Variants in SCRG1 observed in about 807,000 individuals in gnomAD.
SCRG1 encodes stimulator of chondrogenesis 1.
SCRG1 carries 3 observed loss-of-function variants against 7.7 expected under a neutral mutation model. That is an observed-to-expected ratio of 0.39 (90% confidence interval 0.18 to 1.01). The LOEUF is 1.01. SCRG1 is among the 50% of genes least tolerant of loss of function. The pLI, the probability that SCRG1 is intolerant of heterozygous loss-of-function variation, is 0.36. For missense variants in SCRG1, 110 were observed against 117.2 expected, an observed-to-expected ratio of 0.94 and a Z score of 0.28; for synonymous variants, 46 against 41.2, an observed-to-expected ratio of 1.12 and a Z score of -0.44.
chr4:173,460,588 G>A, the SCRG1 span, among the ~76,000 whole-genome samples: 2 of 152,302 alleles, frequency 1.3e-5, no homozygotes, highest in South Asian at 4.1e-4. Flanking sequence ...CCCGTGCCCT[G>A]AAGGAAAGGA....
At chr4:173,486,266 C>A in the SCRG1 span, among the ~76,000 whole-genome samples, 2 of 152,096 alleles carry the variant, frequency 1.3e-5, no homozygotes, top group Non-Finnish European at 2.9e-5. Context: ...TTGTTATTTC[C>A]AGGCCAGTGT....
chr4:173,441,700 G>A, the SCRG1 span, among the ~76,000 whole-genome samples: 1 of 152,156 alleles, frequency 6.6e-6, no homozygotes, highest in Non-Finnish European at 1.5e-5. Flanking sequence ...TACAATATAA[G>A]TCTTGTCCTC....
the SCRG1 span, among the ~76,000 whole-genome samples, chr4:173,476,891 T>C: frequency 2.0e-5 from 3 of 152,186 alleles, no homozygotes; most frequent in African/African-American, 7.2e-5. Context: ...TAAGCTACCC[T>C]AATGCTTGGA....
At chr4:173,483,760 C>A in the SCRG1 span, among the ~76,000 whole-genome samples, 28 of 15,252 alleles carry the variant, frequency 1.8e-3, 10 homozygotes, top group East Asian at 0.019. Flanking sequence ...TGTGATATAT[C>A]ATATATATGA....
At chr4:173,508,481 T>G in the SCRG1 span, among the ~76,000 whole-genome samples, 2 of 152,096 alleles carry the variant, frequency 1.3e-5, no homozygotes, top group Non-Finnish European at 2.9e-5. This position sits in a 1 kb window ranked among gnomAD's most constrained non-coding sequence, Gnocchi z 4.4. Flanking sequence ...TGGAGGGGTT[T>G]GAACTTTTCC....
chr4:173,408,492 T>G (rs974758741), upstream of SCRG1, among the ~76,000 whole-genome samples: 1 of 152,200 alleles, frequency 6.6e-6, no homozygotes, highest in African/African-American at 2.4e-5. Context: ...TATCTTGACA[T>G]TAGAAAGATT....
At chr4:173,401,142 G>A (rs74477966), upstream of SCRG1, among the ~76,000 whole-genome samples, 201 of 152,296 alleles carry the variant, frequency 1.3e-3, 4 homozygotes, top group East Asian at 0.035. Flanking sequence ...CCCTGACAGA[G>A]ATCAAATCTC....
chr4:173,434,606 G>A, the SCRG1 span, among the ~76,000 whole-genome samples: 2 of 152,160 alleles, frequency 1.3e-5, no homozygotes, highest in East Asian at 3.9e-4. Flanking sequence ...CTAGGCGGGT[G>A]GATTATCTGA....
chr4:173,430,230 G>A, the SCRG1 span, among the ~76,000 whole-genome samples: 1 of 152,184 alleles, frequency 6.6e-6, no homozygotes. Flanking sequence ...AAAAGAGGAA[G>A]CAAAGGAAAA....
chr4:173,465,297 A>AAC, the SCRG1 span, among the ~76,000 whole-genome samples: 1 of 152,220 alleles, frequency 6.6e-6, no homozygotes, highest in Non-Finnish European at 1.5e-5. Context: ...ATGCATAGAC[A>AAC]ACACACACAA....
At chr4:173,500,824 A>G in the SCRG1 span, among the ~76,000 whole-genome samples, 2 of 149,950 alleles carry the variant, frequency 1.3e-5, no homozygotes, top group Non-Finnish European at 2.9e-5. Flanking sequence ...AATCTTGGGG[A>G]GTTTATTAAA....
the SCRG1 span, among the ~76,000 whole-genome samples, chr4:173,420,899 C>T: frequency 9.2e-5 from 14 of 152,238 alleles, no homozygotes; most frequent in East Asian, 2.7e-3. Flanking sequence ...TCCCCAAAGT[C>T]TGTGTGAGTG....
the SCRG1 span, chr4:173,420,166 C>T: frequency 8.2e-6 from 4 of 485,144 alleles, no homozygotes; most frequent in Non-Finnish European, 1.2e-5. Flanking sequence ...ACATCCGTGG[C>T]TCAACAGAGA....
At chr4:173,454,093 A>AG in the SCRG1 span, among the ~76,000 whole-genome samples, 1 of 150,750 alleles carries the variant, frequency 6.6e-6, no homozygotes, top group African/African-American at 2.5e-5. Context: ...AAAAAAAAAA[A>AG]GAACTGACCA....
the SCRG1 span, among the ~76,000 whole-genome samples, chr4:173,516,567 C>T: frequency 6.6e-6 from 1 of 152,194 alleles, no homozygotes; most frequent in Admixed American, 6.5e-5. Flanking sequence ...TAATTGACAC[C>T]GTGTATATTC....
chr4:173,505,919 A>G, the SCRG1 span, among the ~76,000 whole-genome samples: 26 of 152,262 alleles, frequency 1.7e-4, no homozygotes, highest in South Asian at 2.1e-4. The surrounding 1 kb of genome is among the most constrained non-coding windows in gnomAD (Gnocchi z 4.4). Context: ...CACGAAATAA[A>G]CCTCTGACAA....
chr4:173,446,223 T>A, the SCRG1 span, among the ~76,000 whole-genome samples: 1 of 152,110 alleles, frequency 6.6e-6, no homozygotes, highest in African/African-American at 2.4e-5. Context: ...TTTCAGAGGG[T>A]CTATAAGGTC....
the SCRG1 span, among the ~76,000 whole-genome samples, chr4:173,432,337 T>TCCTC: frequency 3.0e-5 from 4 of 132,768 alleles, no homozygotes; most frequent in Non-Finnish European, 4.8e-5. Context: ...CTTCCTTCCT[T>TCCTC]CCTCTTTCAT....
chr4:173,438,087 G>A, the SCRG1 span, among the ~76,000 whole-genome samples: 1,117 of 152,192 alleles, frequency 7.3e-3, 10 homozygotes, highest in African/African-American at 0.022. Flanking sequence ...ACCTAAGGTT[G>A]ACAACTAAGT....
Sources: allele counts gnomAD v4.1 joint callset (sites outside exome capture counted in the v4.1 genomes callset), GRCh38; gene constraint gnomAD v4.1.1; non-coding constraint Gnocchi (gnomAD v3.1); transcripts MANE v1.5; gene names NCBI Gene and HGNC (gene_info 2026-07-23, HGNC 2026-07-21).